The following DOP1B variants were observed in gnomAD, a reference collection of about 807,000 sequenced individuals.
DOP1B encodes DOP1 leucine zipper like protein B.
A neutral mutation model predicts 233.5 loss-of-function variants in DOP1B; 174 were observed. The observed-to-expected ratio is 0.75, with a 90% confidence interval of 0.66 to 0.85. The LOEUF (loss-of-function observed/expected upper bound fraction) is 0.85, where lower values mean the gene tolerates loss of function less well. Among genes scored for constraint, DOP1B ranks in the 40% least tolerant of loss-of-function variants. The pLI is 0.00. For synonymous variants in DOP1B, 1,190 were observed against 1,185.6 expected (o/e 1.00, Z -0.08); for missense variants, 2,652 against 2,846.6 (o/e 0.93, Z 1.56).
chr21:36,277,113 C>T lies in DOP1B; in HGVS notation c.5712+13C>T. The T allele has an allele frequency of 5.0e-6, 8 of 1,611,832 alleles. No individual in the cohort carries two copies. The South Asian group carries it at 8.8e-5, about 18-fold the overall frequency. On this transcript the variant is annotated intron_variant, in intron 28 of 36. Coordinates refer to ENST00000691173, the MANE Select transcript of DOP1B (RefSeq NM_001320714.2). ...TCTCCTGGCAGAGGTAAATACACAC[C>T]TGACCTGTCGTCCTTTATGGAAATG...
intron 30 of DOP1B, among the ~76,000 whole-genome samples, 181 bp from the exon 31 acceptor site, chr21:36,280,104 A>C (rs937980171): frequency 5.9e-5 from 9 of 152,160 alleles, no homozygotes; most frequent in Admixed American, 3.3e-4. Context: ...TGAACTCCCA[A>C]CCTCAGGTGA....
chr21:36,245,906 C>G lies in DOP1B; in HGVS notation c.3926C>G (p.Ser1309Cys). 3 of 1,613,878 alleles carry G rather than the reference C, an allele frequency of 1.9e-6. No individual in the cohort carries two copies. Among genetic ancestry groups the G allele is most frequent in the Non-Finnish European group, 2.5e-6 (3 of 1,180,040 alleles). ...QTQVPNVCPH[S>C]LLLELLTYLC... ...CAGGTCCCCAACGTGTGCCCCCACT[C>G]TCTGCTCCTGGAGCTGCTCACCTAC... Residue 1309 changes from serine (S) to cysteine (C), a missense_variant, in exon 19 of 37, where the codon TCT becomes TGT. This residue lies in a region of DOP1B where 2,617 missense variants were observed against 2,794.3 expected (regional missense o/e 0.94). Coordinates refer to ENST00000691173, the MANE Select transcript of DOP1B (RefSeq NM_001320714.2). The surrounding 1 kb of genome is among the most constrained non-coding windows in gnomAD (Gnocchi z 5.5).
intron 14 of DOP1B, 73 bp downstream of exon 14, chr21:36,231,207 C>A: frequency 2.0e-6 from 3 of 1,494,758 alleles, no homozygotes; most frequent in South Asian, 2.7e-5. Context: ...TGGAATATCC[C>A]CTATCCACAA....
intron 23 of DOP1B, among the ~76,000 whole-genome samples, chr21:36,259,686 A>T (rs2067147316): frequency 6.6e-6 from 1 of 152,144 alleles, no homozygotes; most frequent in South Asian, 2.1e-4. Flanking sequence ...GGTCCTGAAG[A>T]CAGCTCTGCA....
chr21:36,215,678 T>C (rs967103208), intron 9 of DOP1B, among the ~76,000 whole-genome samples: 3 of 149,070 alleles, frequency 2.0e-5, no homozygotes, highest in Non-Finnish European at 4.5e-5. Context: ...GTGCTGGGAT[T>C]ACAGGTGTGA....
intron 2 of DOP1B, chr21:36,168,997 G>A: frequency 1.3e-6 from 1 of 757,016 alleles, no homozygotes; most frequent in Non-Finnish European, 2.4e-6. Flanking sequence ...TTGCAATTCG[G>A]TCTTTCTCGA....
intron 2 of DOP1B, among the ~76,000 whole-genome samples, chr21:36,181,177 T>C (rs1340168003): frequency 2.0e-5 from 3 of 152,324 alleles, no homozygotes; most frequent in South Asian, 2.1e-4. Flanking sequence ...CTCGATGTAA[T>C]TGAAGTTTAT....
intron 8 of DOP1B, 56 bp from the exon 9 acceptor site, chr21:36,214,386 G>A (rs2066536027): frequency 6.5e-7 from 1 of 1,529,410 alleles, no homozygotes; most frequent in Non-Finnish European, 8.9e-7. Context: ...AGCCAGTAAT[G>A]TTGTTACACT....
At chr21:36,292,269 T>TG (rs1202298099) in intron 36 of DOP1B, 36 bp downstream of exon 36, 3 of 1,514,754 alleles carry the variant, frequency 2.0e-6, no homozygotes, top group Non-Finnish European at 2.7e-6. Flanking sequence ...TTTTTTTTTT[T>TG]TTGGTGAGAC....
Position 36,251,151 on chromosome 21 carries a change from C to G in DOP1B, c.4999-11C>G, listed in dbSNP as rs1488096896. On this transcript the variant is annotated splice_polypyrimidine_tract_variant and intron_variant, in intron 21 of 36. Transcript: ENST00000691173. ...TTACTCTGCAGTAACTTTTTTTTCC[C>G]TATTTTCTAGACCATAAGACAAAAA... The G allele has an allele frequency of 6.3e-7, 1 of 1,597,978 alleles. No homozygotes were observed. Among genetic ancestry groups the G allele is most frequent in the South Asian group, 1.1e-5 (1 of 88,102 alleles).
chr21:36,197,493 C>A (rs986456071), intron 2 of DOP1B, among the ~76,000 whole-genome samples: 1 of 152,156 alleles, frequency 6.6e-6, no homozygotes, highest in African/African-American at 2.4e-5. Context: ...CTCTTCCCAA[C>A]TGCCCGCTTT....
intron 4 of DOP1B, among the ~76,000 whole-genome samples, chr21:36,204,658 A>AATTTTTTT (rs2066407560): frequency 8.7e-6 from 1 of 115,212 alleles, no homozygotes; most frequent in Non-Finnish European, 1.7e-5. Flanking sequence ...TGACATTTCT[A>AATTTTTTT]TTTTTTTTTT....
intron 11 of DOP1B, among the ~76,000 whole-genome samples, chr21:36,223,604 A>G (rs1228502059): frequency 6.6e-6 from 1 of 152,194 alleles, no homozygotes; most frequent in Non-Finnish European, 1.5e-5. Flanking sequence ...CTAACTTTAG[A>G]AAATCCTCAG....
At position 36,246,827 on chromosome 21, in the gene DOP1B, C is replaced by T; in HGVS notation, c.4697+150C>T. 2 of 830,654 alleles carry T rather than the reference C, an allele frequency of 2.4e-6. No homozygotes were observed. The highest frequency in any genetic ancestry group is 3.7e-6 in the Non-Finnish European group (2 of 545,702). 51.5% of individuals were successfully genotyped at this position (830,654 alleles called of 1,614,324 possible). A position where few individuals can be genotyped will look rare whatever the true frequency, so the allele number is the denominator to read the frequency against. On this transcript the variant is annotated intron_variant, in intron 19 of 36. Coordinates refer to ENST00000691173, the MANE Select transcript of DOP1B (RefSeq NM_001320714.2). The surrounding 1 kb of genome is among the most constrained non-coding windows in gnomAD (Gnocchi z 5.1). ...CATTATCAAGAGGGGTAACAAGCAA[C>T]TAAATGTTCTGATCCATTATGTTAT...
chr21:36,290,721 C>T (rs1238596068), intron 35 of DOP1B, among the ~76,000 whole-genome samples: 13 of 150,676 alleles, frequency 8.6e-5, no homozygotes, highest in Middle Eastern at 3.5e-3. Flanking sequence ...ACCTGGGAGG[C>T]AGAGGTTGCA....
At chr21:36,186,677 G>A (rs954431045) in intron 2 of DOP1B, among the ~76,000 whole-genome samples, 21 of 152,166 alleles carry the variant, frequency 1.4e-4, no homozygotes, top group African/African-American at 5.1e-4. Context: ...CACCCCCGGA[G>A]TGTGGGCTTT....
intron 33 of DOP1B, 28 bp downstream of exon 33, chr21:36,288,178 G>C: frequency 4.4e-6 from 7 of 1,593,498 alleles, no homozygotes; most frequent in Non-Finnish European, 6.0e-6. Flanking sequence ...AAGTTTGAAA[G>C]CAAGGTTGGA....
At chr21:36,254,046 T>G (rs371691423) in intron 23 of DOP1B, 137 bp downstream of exon 23, 3 of 1,163,206 alleles carry the variant, frequency 2.6e-6, no homozygotes, top group African/African-American at 1.6e-5. Context: ...GGTAGTGAAG[T>G]GGAGGTGCTG....
At chr21:36,219,305 CAT>C (rs1185315084) in intron 9 of DOP1B, 65 bp from the exon 10 acceptor site, 1 of 1,595,678 alleles carries the variant, frequency 6.3e-7, no homozygotes, top group African/African-American at 1.3e-5. Flanking sequence ...TATGTATATA[CAT>C]ATGTCACTTA....
Sources: gnomAD v4.1 joint callset for allele counts (sites outside exome capture counted in the v4.1 genomes callset) on GRCh38, gnomAD v4.1.1 for gene constraint, gnomAD v4.1.1 regional missense constraint, Gnocchi (gnomAD v3.1) non-coding constraint, MANE v1.5 for transcripts, NCBI Gene and HGNC (gene_info 2026-07-23, HGNC 2026-07-21) for gene names.